ADAM28: variants seen among roughly 807,000 people sequenced by gnomAD.
ADAM28 encodes the protein disintegrin and metalloproteinase domain-containing protein 28.
Under a neutral mutation model 101.2 loss-of-function variants are expected in ADAM28, and 105 were observed. That is an observed-to-expected ratio of 1.04 (90% CI 0.89 to 1.22). ADAM28 has a LOEUF of 1.22. Ranked by LOEUF, ADAM28 falls within the 50% of genes most tolerant of loss-of-function variation. The pLI is 0.00. For missense variants in ADAM28, 1,028 were observed against 945.4 expected (o/e 1.09, Z -1.15); for synonymous variants, 322 against 310.6 (o/e 1.04, Z -0.39).
rs1249718428 is a variant in ADAM28, at chr8:24,358,302, T to C, written c.*3898T>C. The C allele has an allele frequency of 1.3e-5, 2 of 152,210 alleles. No individual in the cohort carries two copies. Among genetic ancestry groups the C allele is most frequent in the Non-Finnish European group, 2.9e-5 (2 of 68,046 alleles). 9.4% of individuals were successfully genotyped at this position (152,210 alleles called of 1,614,324 possible). ...TCCAATATTATTATCAGCTTTAATATTGTTTCATCATATGTCATTGTTCAA... is the reference window on the plus strand; with the variant it reads ...TCCAATATTATTATCAGCTTTAATACTGTTTCATCATATGTCATTGTTCAA... On this transcript the variant is annotated 3_prime_UTR_variant, in exon 23 of 23. Transcript: ENST00000265769.
chr8:24,326,307 A>T (rs1473977300), intron 9 of ADAM28, among the ~76,000 whole-genome samples: 2 of 152,058 alleles, frequency 1.3e-5, no homozygotes, highest in East Asian at 3.9e-4. Context: ...TCTCACAATG[A>T]AAAGTGTTAT....
Position 24,301,938 on chromosome 8 carries a change from T to C in ADAM28, c.150+1861T>C, listed in dbSNP as rs1330846937. Among the ~76,000 whole-genome samples the C allele has an allele frequency of 2.6e-5, 4 of 152,218 alleles. No individual in the cohort carries two copies. In the East Asian group the frequency reaches 7.7e-4, roughly 29 times the overall value. On this transcript the variant is annotated intron_variant, in intron 2 of 22. Transcript: ENST00000265769. The stretch of plus-strand genomic sequence containing the variant: ...TTTTTCTAATAACTTTTTGTCTTTT[T>C]GAAAATTCTATTTTAAGTTCTGGGA...
intron 22 of ADAM28, 85 bp from the exon 23 acceptor site, chr8:24,354,299 T>C: frequency 8.3e-7 from 1 of 1,199,314 alleles, no homozygotes; most frequent in Non-Finnish European, 1.2e-6. Context: ...CAGATAATTT[T>C]AATTTCTTCA....
intron 2 of ADAM28, among the ~76,000 whole-genome samples, chr8:24,306,356 A>ATATATATATATATATATATATATATT (rs1563270414): frequency 6.9e-5 from 8 of 116,656 alleles, no homozygotes; most frequent in African/African-American, 3.0e-4. Flanking sequence ...ATACAAATAA[A>ATATATATATATATATATATATATATT]TAAATAAATA....
chr8:24,338,342 AG>A (rs1814348443), intron 14 of ADAM28, among the ~76,000 whole-genome samples: 1 of 152,238 alleles, frequency 6.6e-6, no homozygotes, highest in African/African-American at 2.4e-5. Context: ...GTTATAAAAC[AG>A]CATGATGCCA....
chr8:24,351,826 A>G (rs926689979), intron 20 of ADAM28, among the ~76,000 whole-genome samples, 161 bp from the exon 21 acceptor site: 7 of 152,264 alleles, frequency 4.6e-5, no homozygotes, highest in Admixed American at 3.3e-4. Context: ...AAATACTTCT[A>G]TGGAATACGC....
In ADAM28 at chr8:24,358,250, T is replaced by C. The variant is rs1034178081; in HGVS notation, c.*3846T>C. ...CAAAGACACCATTATTTCCTAAGTG[T>C]TATATTGCTATTTTTCAGTTGGTGC... On this transcript the variant is annotated 3_prime_UTR_variant, in exon 23 of 23. Transcript: ENST00000265769. The C allele has an allele frequency of 4.6e-5, 7 of 152,244 alleles. No homozygotes were observed. Among genetic ancestry groups the C allele is most frequent in the African/African-American group, 1.7e-4 (7 of 41,468 alleles). The allele number at this position is 152,244 out of a possible 1,614,324, so 9.4% of individuals were successfully genotyped here.
intron 2 of ADAM28, among the ~76,000 whole-genome samples, chr8:24,306,295 G>T (rs1430520789): frequency 6.7e-6 from 1 of 149,174 alleles, no homozygotes; most frequent in Non-Finnish European, 1.5e-5. Context: ...AGTGAGCTGA[G>T]ATCATGCCAC....
At chr8:24,343,470 C>T (rs370901287) in intron 17 of ADAM28, 36 bp from the exon 18 acceptor site, 22 of 1,604,542 alleles carry the variant, frequency 1.4e-5, no homozygotes, top group East Asian at 2.2e-5. Flanking sequence ...TCTGGTCAGC[C>T]TAGCGGGGAC....
intron 1 of ADAM28, among the ~76,000 whole-genome samples, chr8:24,299,004 C>T (rs938530940): frequency 1.0e-4 from 15 of 147,374 alleles, no homozygotes; most frequent in Non-Finnish European, 2.2e-4. Context: ...CCAGCCTGGG[C>T]AACATAGCAA....
At chr8:24,346,092 C>G (rs553048088) in intron 18 of ADAM28, among the ~76,000 whole-genome samples, 1 of 151,992 alleles carries the variant, frequency 6.6e-6, no homozygotes, top group East Asian at 1.9e-4. Flanking sequence ...GAGGACAGAC[C>G]CTAGAGGATG....
At chr8:24,337,266 G>C (rs185271005) in intron 14 of ADAM28, among the ~76,000 whole-genome samples, 26 of 152,336 alleles carry the variant, frequency 1.7e-4, no homozygotes, top group Non-Finnish European at 3.2e-4. Context: ...AAACAAAATT[G>C]ATTGTTGGTT....
intron 10 of ADAM28, among the ~76,000 whole-genome samples, chr8:24,329,303 C>A (rs1418834967): frequency 6.6e-6 from 1 of 152,158 alleles, no homozygotes; most frequent in Admixed American, 6.5e-5. Flanking sequence ...ATAAGAGAAT[C>A]AGACTTCTGT....
intron 22 of ADAM28, among the ~76,000 whole-genome samples, 170 bp from the exon 23 acceptor site, chr8:24,354,214 T>A (rs1272221109): frequency 6.6e-6 from 1 of 152,040 alleles, no homozygotes; most frequent in Admixed American, 6.6e-5. Flanking sequence ...TTTTTCTCAC[T>A]CCCTTCCTAT....
chr8:24,314,850 GAAGTT>G (rs1322563182), intron 6 of ADAM28, among the ~76,000 whole-genome samples: 2 of 150,778 alleles, frequency 1.3e-5, no homozygotes, highest in Non-Finnish European at 3.0e-5. Flanking sequence ...ATACATGACT[GAAGTT>G]AAGTTGTTAT....
chr8:24,296,235 T>C (rs958839202), intron 1 of ADAM28: 1 of 152,196 alleles, frequency 6.6e-6, no homozygotes, highest in African/African-American at 2.4e-5. Context: ...CTTGCCTTTA[T>C]AAGGTAACTG....
chr8:24,309,716 A>G (rs536404923), intron 2 of ADAM28, among the ~76,000 whole-genome samples, 178 bp from the exon 3 acceptor site: 1 of 152,184 alleles, frequency 6.6e-6, no homozygotes, highest in African/African-American at 2.4e-5. Flanking sequence ...AAAGGCTCTC[A>G]GATAATTTGT....
At chr8:24,338,691 C>T (rs180804442) in intron 14 of ADAM28, among the ~76,000 whole-genome samples, 1 of 152,286 alleles carries the variant, frequency 6.6e-6, no homozygotes. Flanking sequence ...ACTTAGCTTG[C>T]TGTTTGTCAA....
intron 21 of ADAM28, among the ~76,000 whole-genome samples, chr8:24,353,372 A>G (rs966899440): frequency 1.3e-5 from 2 of 152,112 alleles, no homozygotes; most frequent in East Asian, 3.9e-4. Flanking sequence ...GCTCCTGAGC[A>G]TTTTTCTTGT....
Sources: gnomAD v4.1 joint callset for allele counts (sites outside exome capture counted in the v4.1 genomes callset) on GRCh38, gnomAD v4.1.1 for gene constraint, MANE v1.5 for transcripts, NCBI Gene and HGNC (gene_info 2026-07-23, HGNC 2026-07-21) for gene names.